Variants in NRG3 observed in about 807,000 individuals in gnomAD.
NRG3 encodes neuregulin 3, also known as pro-neuregulin-3, membrane-bound isoform.
NRG3 carries 31 observed loss-of-function variants against 66.9 expected under a neutral mutation model. That is an observed-to-expected ratio of 0.46 (90% CI 0.35 to 0.63). NRG3 has a LOEUF of 0.63. NRG3 is among the 20% of genes least tolerant of loss of function. The pLI is 0.00. For synonymous variants in NRG3, 393 were observed against 359.4 expected (o/e 1.09, Z -1.06); for missense variants, 910 against 878.9 (o/e 1.04, Z -0.45).
chr10:82,538,908 C>G (rs1357283163), intron 2 of NRG3, among the ~76,000 whole-genome samples: 3 of 152,112 alleles, frequency 2.0e-5, no homozygotes, highest in Non-Finnish European at 2.9e-5. Context: ...GGGCAGCAGG[C>G]AGATGGGGAA....
At chr10:82,176,513 C>T (rs951623202) in intron 1 of NRG3, among the ~76,000 whole-genome samples, 3 of 152,110 alleles carry the variant, frequency 2.0e-5, no homozygotes, top group East Asian at 3.9e-4. Context: ...CATGCCCAAA[C>T]ACGTAGGCTA....
At chr10:82,099,371 G>A (rs1224003101) in intron 1 of NRG3, among the ~76,000 whole-genome samples, 1 of 152,040 alleles carries the variant, frequency 6.6e-6, no homozygotes, top group Non-Finnish European at 1.5e-5. Context: ...ACATATATAT[G>A]TGGGTTTCTT....
At chr10:82,155,567 A>G (rs2071128031) in intron 1 of NRG3, among the ~76,000 whole-genome samples, 1 of 149,222 alleles carries the variant, frequency 6.7e-6, no homozygotes, top group Admixed American at 6.7e-5. Context: ...ACATATCGTA[A>G]TAAAAAGGGT....
intron 3 of NRG3, among the ~76,000 whole-genome samples, chr10:82,823,706 CAG>C (rs2062054410): frequency 6.6e-6 from 1 of 152,112 alleles, no homozygotes; most frequent in Admixed American, 6.6e-5. Context: ...CTGGTAGACA[CAG>C]GGACCCAGCC....
At chr10:82,154,546 T>G (rs1156848485) in intron 1 of NRG3, among the ~76,000 whole-genome samples, 2 of 151,586 alleles carry the variant, frequency 1.3e-5, no homozygotes, top group African/African-American at 2.4e-5. Context: ...CTTTGGCTAT[T>G]TGGGGTTTTT....
chr10:82,962,720 T>C (rs1337300258), intron 6 of NRG3, among the ~76,000 whole-genome samples: 1 of 152,018 alleles, frequency 6.6e-6, no homozygotes, highest in African/African-American at 2.4e-5. Context: ...GTGCCTGTAA[T>C]TCCAGCTACT....
chr10:82,357,721 T>C (rs2083872606), intron 1 of NRG3, among the ~76,000 whole-genome samples: 1 of 152,192 alleles, frequency 6.6e-6, no homozygotes, highest in South Asian at 2.1e-4. Context: ...GGCCCCATCT[T>C]CAAATATCAT....
intron 1 of NRG3, among the ~76,000 whole-genome samples, chr10:82,261,117 C>T (rs1472346621): frequency 6.6e-6 from 1 of 152,084 alleles, no homozygotes; most frequent in Non-Finnish European, 1.5e-5. Context: ...AAAATCTCAC[C>T]TTGAAATGCA....
chr10:82,275,899 T>C (rs982062943), intron 1 of NRG3, among the ~76,000 whole-genome samples: 1 of 152,004 alleles, frequency 6.6e-6, no homozygotes, highest in African/African-American at 2.4e-5. Context: ...TTATGAATCA[T>C]GTATGTCCTG....
intron 2 of NRG3, among the ~76,000 whole-genome samples, chr10:82,684,113 T>C (rs1184095607): frequency 6.6e-6 from 1 of 151,892 alleles, no homozygotes; most frequent in Non-Finnish European, 1.5e-5. Flanking sequence ...AGACAGGTAA[T>C]CCTATTATCT....
At chr10:81,896,205 A>C (rs1379551896) in intron 1 of NRG3, among the ~76,000 whole-genome samples, 1 of 152,118 alleles carries the variant, frequency 6.6e-6, no homozygotes, top group Non-Finnish European at 1.5e-5. Context: ...CTTAACCAGC[A>C]TGCCCTTTCG....
At chr10:82,651,547 A>G (rs1189348572) in intron 2 of NRG3, among the ~76,000 whole-genome samples, 1 of 152,234 alleles carries the variant, frequency 6.6e-6, no homozygotes, top group East Asian at 1.9e-4. Flanking sequence ...CCTACATGAC[A>G]AGGAACTGAG....
chr10:82,118,868 A>G (rs1380458756), intron 1 of NRG3, among the ~76,000 whole-genome samples: 1 of 152,174 alleles, frequency 6.6e-6, no homozygotes, highest in Non-Finnish European at 1.5e-5. Context: ...TAGACTGATC[A>G]TATCTAGATC....
intron 2 of NRG3, among the ~76,000 whole-genome samples, chr10:82,399,339 T>C (rs921705818): frequency 6.6e-6 from 1 of 152,170 alleles, no homozygotes; most frequent in Non-Finnish European, 1.5e-5. Context: ...CAAAATATCT[T>C]TCTTAAGATG....
intron 4 of NRG3, among the ~76,000 whole-genome samples, chr10:82,944,624 G>A (rs555308952): frequency 5.9e-5 from 9 of 152,288 alleles, no homozygotes; most frequent in Admixed American, 1.3e-4. Flanking sequence ...ACTTTAAAAT[G>A]TCAACCCAAG....
chr10:82,400,421 G>A (rs191319911), intron 2 of NRG3, among the ~76,000 whole-genome samples: 1 of 152,220 alleles, frequency 6.6e-6, no homozygotes, highest in African/African-American at 2.4e-5. Context: ...TTGTTAAAAT[G>A]CAGCTTCAGA....
At chr10:82,370,220 A>T (rs778873945) in intron 2 of NRG3, among the ~76,000 whole-genome samples, 7 of 138,278 alleles carry the variant, frequency 5.1e-5, no homozygotes, top group Non-Finnish European at 7.4e-5. Context: ...GGCTGGAAGG[A>T]TGAGTGCAAG....
In NRG3 at chr10:82,818,705, C is replaced by G. The variant is rs79339219; in HGVS notation, c.1028-46706C>G. On this transcript the variant is annotated intron_variant, in intron 3 of 8. Transcript: ENST00000372141. ...ACATAAATTCCAGGGCTGCACAGAT[C>G]GATCTGAGTGTTCCCATTAAGTTTC... Among the ~76,000 whole-genome samples, 225 of 152,204 alleles carry G rather than the reference C, an allele frequency of 1.5e-3. 1 individual carries two copies. Among genetic ancestry groups the G allele is most frequent in the African/African-American group, 5.2e-3 (216 of 41,526 alleles).
chr10:81,969,049 G>T (rs950829903), intron 1 of NRG3, among the ~76,000 whole-genome samples: 9 of 152,160 alleles, frequency 5.9e-5, no homozygotes, highest in African/African-American at 2.2e-4. Flanking sequence ...TAAGGTATCT[G>T]ACTGAAGCCA....
Sources: allele counts gnomAD v4.1 joint callset (sites outside exome capture counted in the v4.1 genomes callset), GRCh38; gene constraint gnomAD v4.1.1; transcripts MANE v1.5; gene names NCBI Gene and HGNC (gene_info 2026-07-23, HGNC 2026-07-21).